CYP2J2: variants seen among roughly 807,000 people sequenced by gnomAD.
CYP2J2 encodes the protein cytochrome P450 2J2.
In CYP2J2, 41 loss-of-function variants were observed where a neutral mutation model predicts 48.8. The observed-to-expected ratio is 0.84, with a 90% CI of 0.66 to 1.09. CYP2J2 has a LOEUF of 1.09. Ranked by LOEUF, CYP2J2 falls within the 50% of genes least tolerant of loss-of-function variation. The pLI, the probability that CYP2J2 is intolerant of heterozygous loss-of-function variation, is 0.00. For synonymous variants in CYP2J2, 221 were observed against 227.1 expected, an observed-to-expected ratio of 0.97 and a Z score of 0.24; for missense variants, 644 against 617.3, an observed-to-expected ratio of 1.04 and a Z score of -0.46.
chr1:59,914,711 G>T (rs1221359463), intron 2 of CYP2J2, among the ~76,000 whole-genome samples: 2 of 152,192 alleles, frequency 1.3e-5, no homozygotes, highest in African/African-American at 2.4e-5. Flanking sequence ...ATTGTCCAAG[G>T]TTTCTCCCCA....
chr1:59,925,072 A>T (rs949224172), intron 1 of CYP2J2, among the ~76,000 whole-genome samples: 2 of 152,156 alleles, frequency 1.3e-5, no homozygotes, highest in Admixed American at 6.5e-5. Flanking sequence ...ATTACAGGAT[A>T]AAAGGATCAA....
At chr1:59,965,445 G>A in the CYP2J2 span, among the ~76,000 whole-genome samples, 3 of 152,128 alleles carry the variant, frequency 2.0e-5, no homozygotes, top group Admixed American at 6.5e-5. Context: ...GTCACATTTG[G>A]GAAAAGAAAC....
chr1:59,958,053 TTC>T, the CYP2J2 span, among the ~76,000 whole-genome samples: 1 of 152,096 alleles, frequency 6.6e-6, no homozygotes, highest in African/African-American at 2.4e-5. Context: ...CTCTGAATAT[TTC>T]TCTCTTTACT....
At chr1:59,937,763 G>A in the CYP2J2 span, among the ~76,000 whole-genome samples, 14 of 151,720 alleles carry the variant, frequency 9.2e-5, no homozygotes, top group African/African-American at 2.4e-4. Flanking sequence ...TTTATTCTTC[G>A]TTCTTTTGTT....
upstream of CYP2J2, among the ~76,000 whole-genome samples, chr1:59,931,433 A>T (rs1291978255): frequency 6.6e-6 from 1 of 152,120 alleles, no homozygotes; most frequent in African/African-American, 2.4e-5. Flanking sequence ...GTTGATATTT[A>T]AAAAAGGAAG....
At chr1:59,949,806 AT>A in the CYP2J2 span, among the ~76,000 whole-genome samples, 440 of 134,950 alleles carry the variant, frequency 3.3e-3, 1 homozygote, top group Non-Finnish European at 3.9e-3. Context: ...CTTGCCAGGG[AT>A]TTTTTTTTTT....
the CYP2J2 span, among the ~76,000 whole-genome samples, chr1:59,951,859 T>C: frequency 6.6e-6 from 1 of 152,184 alleles, no homozygotes; most frequent in Non-Finnish European, 1.5e-5. Context: ...CTATCAGTTT[T>C]GACATTCTTG....
rs199889025 is a variant in CYP2J2, at chr1:59,901,075, G to A, written c.1220C>T (p.Ala407Val). ...KGTMILTNLT[A>V]LHRDPTEWAT... ...CCACTCTGTGGGGTCCCTGTGCAGCGCCGTCAAATTGGTCAGGATCATGGT... is the reference window on the plus strand; with the variant it reads ...CCACTCTGTGGGGTCCCTGTGCAGCACCGTCAAATTGGTCAGGATCATGGT... Residue 407 changes from alanine to valine, a missense_variant, in exon 8 of 9, where the codon GCG (alanine) becomes GTG (valine). Transcript: ENST00000371204. 1.9e-5 allele frequency: 31 copies of A among 1,614,014 alleles called. No homozygotes were observed. Among genetic ancestry groups the A allele is most frequent in the East Asian group, 1.1e-4 (5 of 44,876 alleles).
At chr1:59,945,582 T>A in the CYP2J2 span, among the ~76,000 whole-genome samples, 2 of 152,204 alleles carry the variant, frequency 1.3e-5, no homozygotes, top group African/African-American at 4.8e-5. Context: ...ATAATTATTA[T>A]CTTCCATAAA....
chr1:59,923,749 T>C (rs1644537856), intron 1 of CYP2J2, among the ~76,000 whole-genome samples: 1 of 152,036 alleles, frequency 6.6e-6, no homozygotes, highest in Non-Finnish European at 1.5e-5. Flanking sequence ...ATATTCAAAC[T>C]AAACAACACA....
At chr1:59,960,699 T>G in the CYP2J2 span, among the ~76,000 whole-genome samples, 9 of 152,086 alleles carry the variant, frequency 5.9e-5, no homozygotes. Context: ...AAAAATTAGC[T>G]GGGCATGGTG....
chr1:59,901,357 G>A (rs1047575295), intron 7 of CYP2J2, among the ~76,000 whole-genome samples: 1 of 152,126 alleles, frequency 6.6e-6, no homozygotes, highest in African/African-American at 2.4e-5. Context: ...CTGCAGGATC[G>A]AGCTTCCTTA....
chr1:59,909,364 C>T (rs542663313), intron 5 of CYP2J2, among the ~76,000 whole-genome samples: 66 of 152,208 alleles, frequency 4.3e-4, no homozygotes, highest in African/African-American at 1.4e-3. Context: ...CTGGAACATT[C>T]CAGTGGGCCC....
At chr1:59,902,612 A>G (rs1219310592) in intron 7 of CYP2J2, among the ~76,000 whole-genome samples, 3 of 151,908 alleles carry the variant, frequency 2.0e-5, no homozygotes, top group Non-Finnish European at 2.9e-5. Context: ...GACGGTTTTC[A>G]CCATGTTGGC....
the CYP2J2 span, among the ~76,000 whole-genome samples, chr1:59,956,800 C>T: frequency 6.6e-6 from 1 of 152,054 alleles, no homozygotes; most frequent in Non-Finnish European, 1.5e-5. Flanking sequence ...TTTCTATGTC[C>T]CTCCCCTTGA....
At chr1:59,934,264 C>T in the CYP2J2 span, among the ~76,000 whole-genome samples, 5 of 152,208 alleles carry the variant, frequency 3.3e-5, no homozygotes, top group South Asian at 4.1e-4. Context: ...AAACATATGA[C>T]GTGAAACCCT....
chr1:59,924,896 C>T (rs1304055292), intron 1 of CYP2J2, among the ~76,000 whole-genome samples: 1 of 151,866 alleles, frequency 6.6e-6, no homozygotes, highest in East Asian at 1.9e-4. Flanking sequence ...CAAGTATATG[C>T]TGCCTTCAAG....
At chr1:59,897,798 T>C (rs967143181) in intron 8 of CYP2J2, among the ~76,000 whole-genome samples, 6 of 152,208 alleles carry the variant, frequency 3.9e-5, no homozygotes, top group Non-Finnish European at 7.3e-5. Flanking sequence ...GTCTTGATTA[T>C]GCACACTTTA....
intron 4 of CYP2J2, among the ~76,000 whole-genome samples, chr1:59,911,195 C>G (rs1268088748): frequency 6.6e-6 from 1 of 152,052 alleles, no homozygotes; most frequent in Non-Finnish European, 1.5e-5. Context: ...AAAGAGCAAC[C>G]AGCACAGATG....
Sources: allele counts gnomAD v4.1 joint callset (sites outside exome capture counted in the v4.1 genomes callset), GRCh38; gene constraint gnomAD v4.1.1; transcripts MANE v1.5; gene names NCBI Gene and HGNC (gene_info 2026-07-23, HGNC 2026-07-21).